BPIFB6: variants seen among roughly 807,000 people sequenced by gnomAD.
BPIFB6 encodes the protein BPI fold-containing family B member 6.
Under a neutral mutation model 54.7 loss-of-function variants are expected in BPIFB6, and 47 were observed. The observed-to-expected ratio is 0.86, with a 90% CI of 0.68 to 1.10. The LOEUF (loss-of-function observed/expected upper bound fraction) is 1.10, where lower values mean the gene tolerates loss of function less well. BPIFB6 is among the 50% of genes least tolerant of loss of function. BPIFB6 has a pLI of 0.00. For missense variants in BPIFB6, 603 were observed against 564.1 expected (o/e 1.07, Z -0.70); for synonymous variants, 255 against 225.9 (o/e 1.13, Z -1.16).
Position 33,036,534 on chromosome 20 carries a change from A to G in BPIFB6, c.667A>G (p.Ser223Gly), listed in dbSNP as rs1268992344. The change falls in exon 7 of 15, where the codon AGT (serine) becomes GGT (glycine). Residue 223 changes from serine to glycine, a missense_variant and splice_region_variant. Transcript: ENST00000349552. ...TTASYIQLDF[S>G]PVVQQQKGKT... Reference sequence around the variant, plus strand: ...AGCCAGCTACATCCAACTGGACTTCAGTGTAAGCGCCTAGGGCCACCTGGG... The same window carrying G: ...AGCCAGCTACATCCAACTGGACTTCGGTGTAAGCGCCTAGGGCCACCTGGG... The G allele has an allele frequency of 6.2e-7, 1 of 1,614,022 alleles. No individual in the cohort carries two copies. The highest frequency in any genetic ancestry group is 2.2e-5 in the East Asian group (1 of 44,874).
intron 3 of BPIFB6, 37 bp downstream of exon 3, chr20:33,034,327 C>A (rs145020673): frequency 1.7e-5 from 24 of 1,408,664 alleles, no homozygotes; most frequent in East Asian, 2.3e-5. Flanking sequence ...GGGAGGAGAA[C>A]GGCCTTCCTG....
chr20:33,035,155 C>T lies in BPIFB6; in HGVS notation c.516+11C>T. 1 of 1,613,334 alleles carries T rather than the reference C, an allele frequency of 6.2e-7. No homozygotes were observed. The highest frequency in any genetic ancestry group is 8.5e-7 in the Non-Finnish European group (1 of 1,179,834). Reference sequence around the variant, plus strand: ...GTCCTCCCTGGGCTGGTGAGTGACCCAGAGAAAGCCTCCACCCCTCGTTGC... The same window carrying T: ...GTCCTCCCTGGGCTGGTGAGTGACCTAGAGAAAGCCTCCACCCCTCGTTGC... On this transcript the variant is annotated intron_variant, in intron 5 of 14. Transcript: ENST00000349552.
chr20:33,032,737 G>C (rs760878129), intron 1 of BPIFB6, among the ~76,000 whole-genome samples: 3 of 152,128 alleles, frequency 2.0e-5, no homozygotes, highest in Non-Finnish European at 4.4e-5. Context: ...CAACTGATCT[G>C]TCACCTCCTC....
rs902552734 is a variant in BPIFB6 at position 33,033,078 on chromosome 20, C to T, written c.192C>T (p.Ile64=). 10 of 1,612,720 alleles carry T rather than the reference C, an allele frequency of 6.2e-6. No homozygotes were observed. Among genetic ancestry groups the T allele is most frequent in the Non-Finnish European group, 8.5e-6 (10 of 1,178,916 alleles). The change falls in exon 2 of 15, where the codon ATC becomes ATT. Residue 64 remains isoleucine (I), a synonymous_variant. Transcript: ENST00000349552. The part of the protein sequence containing the change: ...KQPGMKPIKG[I]TNLKVKDVQL... ...CAGGGATGAAACCTATCAAGGGCATCACCAAGTGAGTAGGGGAGGGGAGCT... is the reference window on the plus strand; with the variant it reads ...CAGGGATGAAACCTATCAAGGGCATTACCAAGTGAGTAGGGGAGGGGAGCT...
intron 5 of BPIFB6, 46 bp downstream of exon 5, chr20:33,035,190 T>C: frequency 6.3e-7 from 1 of 1,583,620 alleles, no homozygotes; most frequent in Non-Finnish European, 8.7e-7. Context: ...CTGGGACTGC[T>C]TAGGCCAGGG....
Position 33,039,621 on chromosome 20 carries a change from G to A in BPIFB6, c.1074+101G>A. 6 of 1,273,370 alleles carry A rather than the reference G, an allele frequency of 4.7e-6. No individual in the cohort carries two copies. The South Asian group carries it at 7.7e-5, about 16-fold the overall frequency. The allele number at this position is 1,273,370 out of a possible 1,614,324, so 78.9% of individuals were successfully genotyped here. A position where few individuals can be genotyped will look rare whatever the true frequency, so the allele number is the denominator to read the frequency against. On this transcript the variant is annotated intron_variant, in intron 10 of 14. Coordinates refer to ENST00000349552, the MANE Select transcript of BPIFB6 (RefSeq NM_174897.2). ...TGACAGCCAAGTCATGGATCAGAGG[G>A]ATCAGTTAATCTTGATTATGTCTGA...
At position 33,033,059 on chromosome 20, in the gene BPIFB6, T is replaced by A. The variant is rs141885387; in HGVS notation, c.173T>A (p.Met58Lys). The A allele has an allele frequency of 1.9e-6, 3 of 1,613,744 alleles. No homozygotes were observed. The highest frequency in any genetic ancestry group is 1.3e-5 in the African/African-American group (1 of 74,840). Residue 58 changes from methionine (M) to lysine (K), a missense_variant, in exon 2 of 15, where the codon ATG becomes AAG. Coordinates refer to ENST00000349552, the MANE Select transcript of BPIFB6 (RefSeq NM_174897.2). ...AAEAGKKQPG[M>K]KPIKGITNLK... is the part of the protein sequence containing the mutation. ...GAGGCAGGCAAGAAACAGCCAGGGA[T>A]GAAACCTATCAAGGGCATCACCAAG... is the stretch of plus-strand genomic sequence containing the variant.
Position 33,037,623 on chromosome 20 carries a change from C to T in BPIFB6, c.731C>T (p.Thr244Met), listed in dbSNP as rs373792246. The change falls in exon 8 of 15, where the codon ACG becomes ATG. Residue 244 changes from threonine to methionine, a missense_variant. Transcript: ENST00000349552. ...IKLADAGEAL[T>M]FPEGYAKGSS... ...CTTGCTGATGCCGGGGAGGCCCTCA[C>T]GTTCCCTGAGGGTTATGCCAAAGGC... The T allele has an allele frequency of 5.1e-5, 82 of 1,613,942 alleles. No individual in the cohort carries two copies. Among genetic ancestry groups the T allele is most frequent in the Middle Eastern group, 1.6e-4 (1 of 6,082 alleles).
Position 33,039,640 on chromosome 20 carries a change from T to G in BPIFB6, c.1074+120T>G, listed in dbSNP as rs549045100. ...CAGAGGGATCAGTTAATCTTGATTATGTCTGATCCTTGGCTCTGCCACTGA... is the reference window on the plus strand; with the variant it reads ...CAGAGGGATCAGTTAATCTTGATTAGGTCTGATCCTTGGCTCTGCCACTGA... On this transcript the variant is annotated intron_variant, in intron 10 of 14. Coordinates refer to ENST00000349552, the MANE Select transcript of BPIFB6 (RefSeq NM_174897.2). The G allele has an allele frequency of 1.9e-3, 2,095 of 1,131,886 alleles. 6 individuals carry two copies. The highest frequency in any genetic ancestry group is 2.3e-3 in the Admixed American group (85 of 36,962). 70.1% of individuals were successfully genotyped at this position (1,131,886 alleles called of 1,614,324 possible). A position where few individuals can be genotyped will look rare whatever the true frequency, so the allele number is the denominator to read the frequency against.
chr20:33,033,499 G>T (rs555700819), intron 2 of BPIFB6: 3 of 454,162 alleles, frequency 6.6e-6, no homozygotes, highest in Non-Finnish European at 1.3e-5. Flanking sequence ...GATCAGTAGG[G>T]GCTGCCTGAA....
In BPIFB6 at chr20:33,035,642, T is replaced by C. The variant is rs1417624476; in HGVS notation, c.547T>C (p.Tyr183His). 1.9e-6 allele frequency: 3 copies of C among 1,614,032 alleles called. No individual in the cohort carries two copies. Among genetic ancestry groups the C allele is most frequent in the Non-Finnish European group, 2.5e-6 (3 of 1,180,042 alleles). The change falls in exon 6 of 15, where the codon TAT becomes CAT. Residue 183 changes from tyrosine to histidine, a missense_variant. Coordinates refer to ENST00000349552, the MANE Select transcript of BPIFB6 (RefSeq NM_174897.2). ...MCPAIDAVLVYVNRKWTNLSD... is the reference protein window; with the variant it reads ...MCPAIDAVLVHVNRKWTNLSD... ...TCCCGCCATCGATGCAGTCCTGGTG[T>C]ATGTGAACAGGAAGTGGACCAACCT...
At chr20:33,036,581 G>T (rs753474519) in intron 7 of BPIFB6, 45 bp downstream of exon 7, 1 of 1,524,960 alleles carries the variant, frequency 6.6e-7, no homozygotes, top group Non-Finnish European at 9.1e-7. Context: ...CAGGCTCACT[G>T]GTCTGGGTAG....
At chr20:33,034,333 T>C in intron 3 of BPIFB6, 43 bp downstream of exon 3, 1 of 1,283,044 alleles carries the variant, frequency 7.8e-7, no homozygotes, top group Non-Finnish European at 1.1e-6. Context: ...AGAACGGCCT[T>C]CCTGTCTCAT....
At chr20:33,041,406 C>T (rs1979579905) in intron 11 of BPIFB6, among the ~76,000 whole-genome samples, 1 of 152,154 alleles carries the variant, frequency 6.6e-6, no homozygotes, top group Non-Finnish European at 1.5e-5. Flanking sequence ...TGACTAAATT[C>T]TCAGGCAGCT....
At chr20:33,038,625 T>A (rs1979444672) in intron 8 of BPIFB6, among the ~76,000 whole-genome samples, 1 of 152,176 alleles carries the variant, frequency 6.6e-6, no homozygotes, top group Admixed American at 6.5e-5. Context: ...TGTCTACCCA[T>A]CCCCTTTACC....
At chr20:33,033,364 A>G in intron 2 of BPIFB6, 2 of 530,626 alleles carry the variant, frequency 3.8e-6, no homozygotes, top group South Asian at 1.5e-5. Flanking sequence ...TCTGCATGCA[A>G]CATGAACTCA....
chr20:33,033,918 A>G (rs1313152106), intron 2 of BPIFB6, among the ~76,000 whole-genome samples: 1 of 152,168 alleles, frequency 6.6e-6, no homozygotes, highest in African/African-American at 2.4e-5. Context: ...ATTGTGGCCC[A>G]CATAAGGAAA....
At chr20:33,039,177 C>T (rs1979469508) in intron 9 of BPIFB6, among the ~76,000 whole-genome samples, 170 bp from the exon 10 acceptor site, 1 of 152,192 alleles carries the variant, frequency 6.6e-6, no homozygotes, top group Non-Finnish European at 1.5e-5. Flanking sequence ...AGAGAATAGC[C>T]AAATTGTGTA....
At position 33,033,099 on chromosome 20, in the gene BPIFB6, G is replaced by T; in HGVS notation, c.197+16G>T. The T allele has an allele frequency of 1.9e-6, 3 of 1,593,640 alleles. 1 individual carries two copies. The highest frequency in any genetic ancestry group is 2.2e-5 in the South Asian group (2 of 90,668). ...GCATCACCAAGTGAGTAGGGGAGGG[G>T]AGCTGGAGGGTGGTGGTTAGGGCAG... On this transcript the variant is annotated intron_variant, in intron 2 of 14. Transcript: ENST00000349552.
Sources: allele counts gnomAD v4.1 joint callset (sites outside exome capture counted in the v4.1 genomes callset), GRCh38; gene constraint gnomAD v4.1.1; transcripts MANE v1.5; gene names NCBI Gene and HGNC (gene_info 2026-07-23, HGNC 2026-07-21).